The following ZER1 variants were observed in gnomAD, a reference collection of about 807,000 sequenced individuals.
ZER1 encodes the protein protein zer-1 homolog.
Under a neutral mutation model 78.8 loss-of-function variants are expected in ZER1, and 11 were observed. That is an observed-to-expected ratio of 0.14 (90% CI 0.09 to 0.23). ZER1 has a LOEUF of 0.23. ZER1 is among the 10% of genes least tolerant of loss of function. The probability of loss-of-function intolerance (pLI) is 1.00; values close to 1 mark genes in which losing one functional copy is unlikely to be tolerated. For synonymous variants in ZER1, 400 were observed against 407.0 expected (o/e 0.98, Z 0.21); for missense variants, 588 against 996.9 (o/e 0.59, Z 5.52).
intron 13 of ZER1, among the ~76,000 whole-genome samples, chr9:128,736,697 G>C (rs1863096906): frequency 7.2e-6 from 1 of 138,846 alleles, no homozygotes; most frequent in Non-Finnish European, 1.5e-5. Flanking sequence ...TTTGGAGAAA[G>C]GGTCTCGCTC....
At chr9:128,758,582 C>A (rs1298458711) in intron 1 of ZER1, among the ~76,000 whole-genome samples, 1 of 152,004 alleles carries the variant, frequency 6.6e-6, no homozygotes, top group Non-Finnish European at 1.5e-5. Context: ...CCACACCCGG[C>A]TAATCTTTCT....
intron 8 of ZER1, among the ~76,000 whole-genome samples, chr9:128,746,302 G>A (rs551043107): frequency 7.9e-5 from 12 of 152,220 alleles, no homozygotes; most frequent in African/African-American, 2.9e-4. Context: ...CAGTAGACAG[G>A]GTGTGAGGGT....
intron 1 of ZER1, among the ~76,000 whole-genome samples, chr9:128,757,946 C>T (rs951199695): frequency 6.6e-6 from 1 of 152,150 alleles, no homozygotes. Flanking sequence ...ATGTTCACAG[C>T]AGCACTATTT....
At chr9:128,733,196 G>A (rs1480221101) in intron 15 of ZER1, 9 of 479,694 alleles carry the variant, frequency 1.9e-5, no homozygotes, top group South Asian at 3.7e-5. Flanking sequence ...GCTTACAAAC[G>A]AGGGCCCTGA....
At position 128,733,527 on chromosome 9, in the gene ZER1, C is replaced by T. The variant is rs773831264; in HGVS notation, c.2142G>A (p.Pro714=). The T allele has an allele frequency of 3.1e-6, 5 of 1,612,528 alleles. 1 individual carries two copies. The highest frequency in any genetic ancestry group is 2.2e-5 in the South Asian group (2 of 90,688). ...WALYNLVSVY[P]DKYCPLLIKE... ...TGATCAGCAGAGGGCAGTACTTGTC[C>T]GCTGTGGGATAGGAGCAGACAGCAG... The change falls in exon 15 of 16, where the codon CCG becomes CCA. Residue 714 remains proline (P), a splice_region_variant and synonymous_variant. Transcript: ENST00000291900.
intron 8 of ZER1, chr9:128,746,198 T>C (rs991011831): frequency 1.3e-5 from 2 of 152,214 alleles, no homozygotes; most frequent in Non-Finnish European, 2.9e-5. Context: ...ACAGTTCTAA[T>C]TGCAGAATGG....
At chr9:128,731,437 T>TTTGGGGGGGGGGGTTGGGGG in intron 15 of ZER1, 43 bp from the exon 16 acceptor site, 1 of 451,616 alleles carries the variant, frequency 2.2e-6, no homozygotes, top group East Asian at 4.9e-5. Context: ...TGGGCTTGGG[T>TTTGGGGGGGGGGGTTGGGGG]GGGGGTGAGC....
chr9:128,747,870 C>G (rs1310512774), intron 8 of ZER1, among the ~76,000 whole-genome samples: 1 of 152,170 alleles, frequency 6.6e-6, no homozygotes, highest in Non-Finnish European at 1.5e-5. Flanking sequence ...CTGCCTTCCT[C>G]GGCCCTCCAA....
chr9:128,738,203 C>T (rs1321100965), intron 13 of ZER1, among the ~76,000 whole-genome samples: 1 of 146,716 alleles, frequency 6.8e-6, no homozygotes, highest in Non-Finnish European at 1.5e-5. Flanking sequence ...TGCCACCACG[C>T]CCGGCTAATT....
At position 128,749,023 on chromosome 9, in the gene ZER1, T is replaced by TAA. The variant is rs561926497; in HGVS notation, c.1359+1591_1359+1592dup. Among the ~76,000 whole-genome samples the TAA allele has an allele frequency of 1.3e-4, 19 of 145,030 alleles. 1 individual carries two copies. The South Asian group carries it at 3.6e-3, about 28-fold the overall frequency. Reference sequence around the variant, plus strand: ...GCCCAGCCTGAGACCCTGTCTTAATTAAAATATATATATATATATTGTGGC... The same window carrying TAA: ...GCCCAGCCTGAGACCCTGTCTTAATTAAAAAATATATATATATATATTGTGGC... On this transcript the variant is annotated intron_variant, in intron 8 of 15. Coordinates refer to ENST00000291900, the MANE Select transcript of ZER1 (RefSeq NM_006336.4).
At chr9:128,734,144 A>AAAAAAAAAAAATAT in intron 14 of ZER1, among the ~76,000 whole-genome samples, 1 of 14,456 alleles carries the variant, frequency 6.9e-5, no homozygotes, top group African/African-American at 1.9e-4. Context: ...AAAAAAAAAA[A>AAAAAAAAAAAATAT]ATATATATAT....
chr9:128,759,173 T>G (rs976169303), intron 1 of ZER1, among the ~76,000 whole-genome samples: 6 of 143,976 alleles, frequency 4.2e-5, no homozygotes, highest in Non-Finnish European at 1.5e-5. Flanking sequence ...GTGAATATTG[T>G]TTTTTTTTTT....
intron 13 of ZER1, among the ~76,000 whole-genome samples, chr9:128,735,751 G>A (rs1461803111): frequency 1.5e-5 from 2 of 134,018 alleles, no homozygotes; most frequent in Admixed American, 7.7e-5. Context: ...ACAGAAGCAC[G>A]TGTGACCTGG....
intron 1 of ZER1, among the ~76,000 whole-genome samples, chr9:128,762,124 T>C (rs1864070504): frequency 6.6e-6 from 1 of 152,168 alleles, no homozygotes; most frequent in Non-Finnish European, 1.5e-5. Flanking sequence ...TTTTTTTTTT[T>C]TAGCTCATCT....
Sources: allele counts gnomAD v4.1 joint callset (sites outside exome capture counted in the v4.1 genomes callset), GRCh38; gene constraint gnomAD v4.1.1; transcripts MANE v1.5; gene names NCBI Gene and HGNC (gene_info 2026-07-23, HGNC 2026-07-21).